Variants in PIAS3 observed in about 807,000 individuals in gnomAD.
PIAS3 encodes the protein protein inhibitor of activated STAT 3.
In PIAS3, 34 loss-of-function variants were observed where a neutral mutation model predicts 67.6. The ratio of observed to expected loss-of-function variants is 0.50; its 90% CI spans 0.38 to 0.67. PIAS3 has a LOEUF of 0.67. Ranked by LOEUF, PIAS3 falls within the 30% of genes least tolerant of loss-of-function variation. PIAS3 has a pLI of 0.00. For missense variants in PIAS3, 693 were observed against 791.6 expected, an observed-to-expected ratio of 0.88 and a Z score of 1.49; for synonymous variants, 341 against 313.8, an observed-to-expected ratio of 1.09 and a Z score of -0.92.
At chr1:145,853,936 G>C in intron 7 of PIAS3, 50 bp from the exon 8 acceptor site, 1 of 1,552,294 alleles carries the variant, frequency 6.4e-7, no homozygotes, top group African/African-American at 1.4e-5. Flanking sequence ...GCTGGAGGAA[G>C]CCCAGGAGTT....
intron 4 of PIAS3, 65 bp from the exon 5 acceptor site, chr1:145,855,891 G>T: frequency 1.7e-6 from 2 of 1,181,234 alleles, no homozygotes; most frequent in Non-Finnish European, 2.6e-6. Context: ...CTGGCAGAGA[G>T]ACAGGGAACC....
chr1:145,849,691 T>C lies in PIAS3; in HGVS notation c.1642A>G (p.Thr548Ala). Residue 548 changes from threonine to alanine, a missense_variant, in exon 14 of 14, where the codon ACC becomes GCC. Around this residue, in one of 3 missense-constraint regions of PIAS3, gnomAD observed 270 missense variants for 261.0 expected, o/e 1.03. Transcript: ENST00000393045. The part of the protein sequence containing the change: ...ESQHYGPSVI[T>A]SLDEQDALGH... ...AGGGCATCCTGTTCATCTAGTGAGG[T>C]GATGACAGAGGGGCCATAGTGCTAG... 6.2e-7 allele frequency: 1 copy of C among 1,606,468 alleles called. No homozygotes were observed. The highest frequency in any genetic ancestry group is 1.1e-5 in the South Asian group (1 of 90,126).
In PIAS3 at chr1:145,853,825, T is replaced by C; in HGVS notation, c.972A>G (p.Ser324=). 2 of 1,613,940 alleles carry C rather than the reference T, an allele frequency of 1.2e-6. No homozygotes were observed. Among genetic ancestry groups the C allele is most frequent in the Non-Finnish European group, 1.7e-6 (2 of 1,179,892 alleles). The change falls in exon 8 of 14, where the codon TCA becomes TCG. Residue 324 remains serine, a synonymous_variant. Transcript: ENST00000393045. ...SEVATTSLRV[S]LMCPLGKMRL... ...CCCTTTTACCCACCGGGCACATGAG[T>C]GACACCCGGAGACTTGTAGTGGCCA...
chr1:145,856,312 C>T (rs1409367312), intron 3 of PIAS3, 35 bp downstream of exon 3: 2 of 1,553,016 alleles, frequency 1.3e-6, no homozygotes, highest in African/African-American at 2.7e-5. Flanking sequence ...AAAGCAGAGA[C>T]CAGGGATGAG....
chr1:145,856,488 G>A (rs894200974), intron 2 of PIAS3, 57 bp from the exon 3 acceptor site: 26 of 1,595,772 alleles, frequency 1.6e-5, no homozygotes, highest in East Asian at 2.2e-5. Flanking sequence ...CACAGAAATC[G>A]CCCCCATCCC....
chr1:145,858,045 C>T (rs1653264083), intron 1 of PIAS3, among the ~76,000 whole-genome samples: 1 of 152,116 alleles, frequency 6.6e-6, no homozygotes, highest in Non-Finnish European at 1.5e-5. Context: ...CGGATGAACT[C>T]GGTAGTTTGA....
chr1:145,858,508 G>C (rs1252483096), intron 1 of PIAS3, among the ~76,000 whole-genome samples: 1 of 144,860 alleles, frequency 6.9e-6, no homozygotes, highest in Non-Finnish European at 1.5e-5. Context: ...CCCGAGAGTA[G>C]CCCCAAAGAC....
chr1:145,856,458 C>G, intron 2 of PIAS3, 27 bp from the exon 3 acceptor site: 1 of 1,608,904 alleles, frequency 6.2e-7, no homozygotes, highest in Non-Finnish European at 8.5e-7. Flanking sequence ...GCAGTTATTC[C>G]AAGCCCATGC....
intron 5 of PIAS3, among the ~76,000 whole-genome samples, chr1:145,855,371 A>G (rs587686598): frequency 6.6e-6 from 1 of 152,214 alleles, no homozygotes; most frequent in South Asian, 2.1e-4. Context: ...AATCCCAGCT[A>G]CTTGGGAGGC....
At chr1:145,854,400 A>G in intron 7 of PIAS3, 58 bp downstream of exon 7, 1 of 1,185,600 alleles carries the variant, frequency 8.4e-7, no homozygotes, top group South Asian at 1.2e-5. Flanking sequence ...TGAAGGCTGG[A>G]GGGCCAGGAA....
chr1:145,859,065 C>T lies in PIAS3; in HGVS notation c.-75G>A. The T allele has an allele frequency of 6.8e-7, 1 of 1,463,448 alleles. No homozygotes were observed. Among genetic ancestry groups the T allele is most frequent in the Non-Finnish European group, 9.2e-7 (1 of 1,092,134 alleles). The allele number at this position is 1,463,448 out of a possible 1,614,324, so 90.7% of individuals were successfully genotyped here. On this transcript the variant is annotated 5_prime_UTR_variant, in exon 1 of 14. Coordinates refer to ENST00000393045, the MANE Select transcript of PIAS3 (RefSeq NM_006099.3). ...ACCGGCGCACAACTCTCCACCCTGG[C>T]GCCGGCCGCAAATGCCGCCTGCTCC...
In PIAS3 at chr1:145,856,060, GA is replaced by G. The variant is rs1198322653; in HGVS notation, c.578+7del. On this transcript the variant is annotated splice_region_variant and intron_variant, in intron 4 of 13. Coordinates refer to ENST00000393045, the MANE Select transcript of PIAS3 (RefSeq NM_006099.3). The stretch of plus-strand genomic sequence containing the variant: ...GGTACCCAGGATAGGCAGGGAGGAT[GA>G]ACTCACCTTAGCTGCACCTGTATGG... 7.4e-6 allele frequency: 12 copies of G among 1,612,414 alleles called. No homozygotes were observed. The highest frequency in any genetic ancestry group is 1.0e-5 in the Non-Finnish European group (12 of 1,178,486).
intron 12 of PIAS3, 81 bp from the exon 13 acceptor site, chr1:145,850,350 C>T (rs1652906401): frequency 6.2e-7 from 1 of 1,612,276 alleles, no homozygotes; most frequent in African/African-American, 1.3e-5. Flanking sequence ...GGACTGTGGC[C>T]CCTTGCAGGA....
chr1:145,852,996 T>TACAC (rs370367599), intron 9 of PIAS3, among the ~76,000 whole-genome samples: 109 of 149,870 alleles, frequency 7.3e-4, no homozygotes, highest in Middle Eastern at 3.5e-3. Flanking sequence ...CACATGCACA[T>TACAC]ACACACACAC....
chr1:145,851,357 A>T (rs914079800), intron 9 of PIAS3: 1 of 581,940 alleles, frequency 1.7e-6, no homozygotes, highest in Non-Finnish European at 3.1e-6. Context: ...ATAGGTTTTA[A>T]AATAAATACA....
rs782702257 is a variant in PIAS3, at chr1:145,856,741, G to C, written c.290C>G (p.Pro97Arg). ...GGTGCCAGGGGCCAACAGCGTTGGG[G>C]GAATGGGAGCTAGAGGACCAGGGGA... ...VGSPGPLAPIPPTLLAPGTLL... is the reference protein window; with the variant it reads ...VGSPGPLAPIRPTLLAPGTLL... The change falls in exon 2 of 14, where the codon CCC becomes CGC. Residue 97 changes from proline (P) to arginine (R), a missense_variant. Coordinates refer to ENST00000393045, the MANE Select transcript of PIAS3 (RefSeq NM_006099.3). 2 of 1,614,080 alleles carry C rather than the reference G, an allele frequency of 1.2e-6. No homozygotes were observed. The highest frequency in any genetic ancestry group is 2.2e-5 in the East Asian group (1 of 44,878).
At position 145,856,442 on chromosome 1, in the gene PIAS3, A is replaced by T; in HGVS notation, c.443-11T>A. The T allele has an allele frequency of 1.2e-6, 2 of 1,613,654 alleles. No homozygotes were observed. The highest frequency in any genetic ancestry group is 1.7e-6 in the Non-Finnish European group (2 of 1,179,568). On this transcript the variant is annotated splice_polypyrimidine_tract_variant and intron_variant, in intron 2 of 13. Coordinates refer to ENST00000393045, the MANE Select transcript of PIAS3 (RefSeq NM_006099.3). ...GGCTAGAAGTGGATGCTGAGGATAC[A>T]AAGGGGCAGTTATTCCAAGCCCATG... is the stretch of plus-strand genomic sequence containing the variant.
rs1304911084 is a variant in PIAS3, at chr1:145,855,766, G to C, written c.639C>G (p.Val213=). Residue 213 remains valine, a synonymous_variant, in exon 5 of 14, where the codon GTC becomes GTG. Transcript: ENST00000393045. ...QEDYFPPNLF[V]KVNGKLCPLP... ...GGGGGCACAGTTTCCCATTGACCTT[G>C]ACAAAGAGGTTGGGGGGAAAATAAT... 2.5e-6 allele frequency: 4 copies of C among 1,608,922 alleles called. No homozygotes were observed. The highest frequency in any genetic ancestry group is 1.6e-4 in the Middle Eastern group (1 of 6,076).
chr1:145,849,836 A>G, intron 13 of PIAS3, 124 bp from the exon 14 acceptor site: 2 of 1,481,088 alleles, frequency 1.4e-6, no homozygotes, highest in Admixed American at 2.5e-5. Flanking sequence ...TTCTCTTGAG[A>G]AGCAGGAGAG....
Sources: gnomAD v4.1 joint callset for allele counts (sites outside exome capture counted in the v4.1 genomes callset) on GRCh38, gnomAD v4.1.1 for gene constraint, gnomAD v4.1.1 regional missense constraint, MANE v1.5 for transcripts, NCBI Gene and HGNC (gene_info 2026-07-23, HGNC 2026-07-21) for gene names.